The following SMC6 variants were observed in gnomAD, a reference collection of about 807,000 sequenced individuals.
The protein encoded by SMC6 is structural maintenance of chromosomes protein 6.
In SMC6, 79 loss-of-function variants were observed where a neutral mutation model predicts 142.2. The ratio of observed to expected loss-of-function variants is 0.56; its 90% confidence interval spans 0.46 to 0.67. The LOEUF (loss-of-function observed/expected upper bound fraction) is 0.67, where lower values mean the gene tolerates loss of function less well. Ranked by LOEUF, SMC6 falls within the 30% of genes least tolerant of loss-of-function variation. SMC6 has a pLI of 0.00. For synonymous variants in SMC6, 411 were observed against 412.4 expected, an observed-to-expected ratio of 1.00 and a Z score of 0.04; for missense variants, 1,072 against 1,284.0, an observed-to-expected ratio of 0.83 and a Z score of 2.52.
chr2:17,709,999 G>A (rs1307719395), intron 16 of SMC6, among the ~76,000 whole-genome samples: 3 of 152,298 alleles, frequency 2.0e-5, no homozygotes, highest in Admixed American at 2.0e-4. Context: ...GATCATCCAG[G>A]CCTAGAGGTC....
intron 16 of SMC6, among the ~76,000 whole-genome samples, chr2:17,714,609 G>A (rs1358751536): frequency 2.0e-5 from 3 of 152,012 alleles, no homozygotes; most frequent in Non-Finnish European, 2.9e-5. Flanking sequence ...TTCCTCACTG[G>A]TGTAATTTCT....
chr2:17,675,835 G>C lies in SMC6; in HGVS notation c.2910+3024C>G. Among the ~76,000 whole-genome samples, 2 of 151,984 alleles carry C rather than the reference G, an allele frequency of 1.3e-5. 1 individual carries two copies. The highest frequency in any genetic ancestry group is 3.9e-4 in the East Asian group (2 of 5,194). On this transcript the variant is annotated intron_variant, in intron 25 of 27. Transcript: ENST00000448223. The stretch of plus-strand genomic sequence containing the variant: ...CTATTTGACTATCATATAAATTTCA[G>C]GTATGGTTTTCTTTATATTTACCTC...
chr2:17,673,658 C>T (rs894819947), intron 25 of SMC6, among the ~76,000 whole-genome samples: 13 of 149,678 alleles, frequency 8.7e-5, no homozygotes, highest in Non-Finnish European at 3.0e-5. Flanking sequence ...CAACCTCCGC[C>T]TCCCGGGTTT....
chr2:17,698,935 T>C (rs1054062463), intron 21 of SMC6, among the ~76,000 whole-genome samples: 7 of 152,094 alleles, frequency 4.6e-5, no homozygotes, highest in East Asian at 1.9e-4. Flanking sequence ...TTGAGAAGGA[T>C]AGAAATCTTA....
chr2:17,682,178 CT>C (rs1667267188), intron 24 of SMC6, among the ~76,000 whole-genome samples: 1 of 152,172 alleles, frequency 6.6e-6, no homozygotes, highest in Admixed American at 6.6e-5. Flanking sequence ...AATTCTAGTT[CT>C]CTTGCCACTT....
chr2:17,694,951 C>G (rs1398719698), intron 23 of SMC6, among the ~76,000 whole-genome samples: 1 of 152,018 alleles, frequency 6.6e-6, no homozygotes, highest in African/African-American at 2.4e-5. Context: ...AATGAAATTC[C>G]ATAATGAGTT....
intron 23 of SMC6, among the ~76,000 whole-genome samples, chr2:17,691,336 CTG>C (rs1558336966): frequency 5.2e-5 from 5 of 95,344 alleles, no homozygotes; most frequent in Non-Finnish European, 4.2e-5. Context: ...GTGTGTGTCT[CTG>C]TGTGTGTGTG....
Position 17,678,951 on chromosome 2 carries a change from G to A in SMC6, c.2818C>T (p.Arg940Ter). Residue 940 changes from arginine (R) to a stop codon, truncating the protein, a stop_gained, in exon 25 of 28, where the codon CGA becomes TGA. Coordinates refer to ENST00000448223, the MANE Select transcript of SMC6 (RefSeq NM_001142286.2). LOFTEE classifies it high-confidence loss of function. ...AAGTTGTCAAAGTATAATTTGCATC[G>A]TAAAGTCAAACACCTTGAAATTTAA... Reference protein sequence around the residue: ...YQQFRRCLTLRCKLYFDNLLS... With the variant: ...YQQFRRCLTL 1.2e-6 allele frequency: 2 copies of A among 1,609,872 alleles called. No individual in the cohort carries two copies. Among genetic ancestry groups the A allele is most frequent in the Non-Finnish European group, 1.7e-6 (2 of 1,178,150 alleles).
chr2:17,670,990 T>C (rs548051069), intron 25 of SMC6, among the ~76,000 whole-genome samples: 9 of 151,622 alleles, frequency 5.9e-5, no homozygotes, highest in African/African-American at 1.9e-4. Flanking sequence ...GCCTCCCAAG[T>C]AGTTGGGACC....
chr2:17,737,382 C>A (rs574404435), intron 5 of SMC6, among the ~76,000 whole-genome samples: 1 of 152,262 alleles, frequency 6.6e-6, no homozygotes, highest in East Asian at 1.9e-4. Context: ...CCGCACTGGG[C>A]ATGAGAAGAA....
chr2:17,725,141 A>C, intron 9 of SMC6, 116 bp downstream of exon 9: 1 of 692,236 alleles, frequency 1.4e-6, no homozygotes. Flanking sequence ...GAGTGCTATA[A>C]AAATATTACT....
At chr2:17,752,934 G>T in intron 2 of SMC6, 44 bp downstream of exon 2, 1 of 759,980 alleles carries the variant, frequency 1.3e-6, no homozygotes. Flanking sequence ...TGTCTTGAGG[G>T]CTCAAACACC....
At chr2:17,693,698 TA>T (rs1240016033) in intron 23 of SMC6, among the ~76,000 whole-genome samples, 1 of 149,554 alleles carries the variant, frequency 6.7e-6, no homozygotes, top group South Asian at 2.1e-4. Flanking sequence ...AAATAAAAAA[TA>T]AAAAAAAAGA....
chr2:17,751,005 C>CAAAAAAA (rs34661130), intron 2 of SMC6, among the ~76,000 whole-genome samples: 3 of 53,786 alleles, frequency 5.6e-5, no homozygotes, highest in African/African-American at 1.6e-4. Context: ...ACAGCTGTCT[C>CAAAAAAA]AAAAAAAAAA....
intron 9 of SMC6, 69 bp from the exon 10 acceptor site, chr2:17,721,330 T>C: frequency 6.9e-7 from 1 of 1,444,134 alleles, no homozygotes; most frequent in Non-Finnish European, 9.2e-7. Context: ...TGCAAATCTA[T>C]TTCTTTTAAA....
chr2:17,677,533 T>C (rs1667049935), intron 25 of SMC6, among the ~76,000 whole-genome samples: 1 of 152,178 alleles, frequency 6.6e-6, no homozygotes, highest in South Asian at 2.1e-4. Context: ...ATTGTCAGCT[T>C]ACCTTGGACA....
Position 17,711,816 on chromosome 2 carries a change from A to G in SMC6, c.1730+3045T>C, listed in dbSNP as rs80115868. 4.7e-3 allele frequency among the ~76,000 whole-genome samples: 721 copies of G among 152,230 alleles called. 4 individuals carry two copies. The highest frequency in any genetic ancestry group is 0.016 in the African/African-American group (668 of 41,542). ...GTATCTTAGGTAGAAACGGCGTTTC[A>G]CCACATTACCCAGGCTGGTCTTAAA... On this transcript the variant is annotated intron_variant, in intron 16 of 27. Transcript: ENST00000448223.
At chr2:17,703,002 A>G (rs1406375047) in intron 19 of SMC6, among the ~76,000 whole-genome samples, 155 bp downstream of exon 19, 1 of 152,208 alleles carries the variant, frequency 6.6e-6, no homozygotes, top group African/African-American at 2.4e-5. Flanking sequence ...GTTGACAGAT[A>G]TACCCACATA....
At chr2:17,705,392 T>TA (rs1349415909) in intron 18 of SMC6, among the ~76,000 whole-genome samples, 1 of 151,998 alleles carries the variant, frequency 6.6e-6, no homozygotes, top group Non-Finnish European at 1.5e-5. Context: ...GCCTTGTCAA[T>TA]ATGGTGAAAC....
Sources: allele counts gnomAD v4.1 joint callset (sites outside exome capture counted in the v4.1 genomes callset), GRCh38; gene constraint gnomAD v4.1.1; transcripts MANE v1.5; gene names NCBI Gene and HGNC (gene_info 2026-07-23, HGNC 2026-07-21).